The following MYO5B variants were observed in gnomAD, a reference collection of about 807,000 sequenced individuals.
MYO5B encodes myosin VB.
In MYO5B, 143 loss-of-function variants were observed where a neutral mutation model predicts 229.3. The observed-to-expected ratio is 0.62, with a 90% CI of 0.54 to 0.72. The LOEUF (loss-of-function observed/expected upper bound fraction) is 0.72. Ranked by LOEUF, MYO5B falls within the 30% of genes least tolerant of loss-of-function variation. The pLI, the probability that MYO5B is intolerant of heterozygous loss-of-function variation, is 0.00. For missense variants in MYO5B, 2,321 were observed against 2,331.0 expected (o/e 1.00, Z 0.09); for synonymous variants, 918 against 885.2 (o/e 1.04, Z -0.66).
At chr18:50,167,969 CAG>C (rs920687291) in intron 1 of MYO5B, among the ~76,000 whole-genome samples, 26 of 152,262 alleles carry the variant, frequency 1.7e-4, no homozygotes, top group African/African-American at 6.3e-4. Context: ...AAAAACAACT[CAG>C]AAATAAAATC....
At position 49,927,938 on chromosome 18, in the gene MYO5B, A is replaced by G. The variant is rs151191181; in HGVS notation, c.2090+1574T>C. 9.2e-3 allele frequency among the ~76,000 whole-genome samples: 1,399 copies of G among 152,336 alleles called. 18 individuals are homozygous for G. Among genetic ancestry groups the G allele is most frequent in the African/African-American group, 0.032 (1,330 of 41,572 alleles). On this transcript the variant is annotated intron_variant, in intron 17 of 39. Transcript: ENST00000285039. The stretch of plus-strand genomic sequence containing the variant: ...CTTCTGCACAGCAAAAGAAATAATC[A>G]CCAGAGTAAACAGACAACCCACGGA...
intron 1 of MYO5B, among the ~76,000 whole-genome samples, chr18:50,093,836 G>A (rs1250257802): frequency 6.6e-6 from 1 of 152,122 alleles, no homozygotes; most frequent in Non-Finnish European, 1.5e-5. Flanking sequence ...AAATGCCATG[G>A]CAACTTCAGG....
At chr18:50,064,633 G>C (rs937946343) in intron 1 of MYO5B, among the ~76,000 whole-genome samples, 1 of 152,148 alleles carries the variant, frequency 6.6e-6, no homozygotes. Context: ...TCACAGGATA[G>C]TTGTTTTCCT....
At chr18:50,034,836 T>C (rs1179744841) in intron 4 of MYO5B, among the ~76,000 whole-genome samples, 2 of 152,158 alleles carry the variant, frequency 1.3e-5, no homozygotes, top group East Asian at 1.9e-4. Flanking sequence ...CTAATGCATG[T>C]TCATAAGCAA....
chr18:49,921,738 C>G (rs745979594), intron 17 of MYO5B, among the ~76,000 whole-genome samples: 1 of 152,108 alleles, frequency 6.6e-6, no homozygotes, highest in African/African-American at 2.4e-5. Context: ...TCCAGGGCAT[C>G]GGTAGGCTGG....
intron 1 of MYO5B, among the ~76,000 whole-genome samples, chr18:50,177,442 C>T (rs1437544839): frequency 6.6e-6 from 1 of 152,190 alleles, no homozygotes; most frequent in Non-Finnish European, 1.5e-5. Flanking sequence ...CTTCCTCAAA[C>T]AGCATTGTAA....
At chr18:49,826,655 G>A (rs1198822447) in intron 39 of MYO5B, 32 bp from the exon 40 acceptor site, 3 of 1,611,494 alleles carry the variant, frequency 1.9e-6, no homozygotes, top group Non-Finnish European at 1.7e-6. Context: ...TGTAAAGTTT[G>A]AGTACCCCTA....
intron 12 of MYO5B, among the ~76,000 whole-genome samples, chr18:49,955,082 C>T (rs1293599130): frequency 1.3e-5 from 2 of 152,154 alleles, no homozygotes. Flanking sequence ...CTGTGCCTTA[C>T]GTTGCTTATG....
intron 1 of MYO5B, among the ~76,000 whole-genome samples, chr18:50,097,839 A>G (rs1177106586): frequency 6.6e-6 from 1 of 152,214 alleles, no homozygotes; most frequent in Admixed American, 6.5e-5. Context: ...AAATGAGGGC[A>G]GTGGATCACA....
At chr18:49,890,031 T>C (rs1175826588) in intron 22 of MYO5B, among the ~76,000 whole-genome samples, 1 of 152,186 alleles carries the variant, frequency 6.6e-6, no homozygotes, top group African/African-American at 2.4e-5. Context: ...GCCTAAACAA[T>C]TTTGGAGGTA....
chr18:50,152,514 G>T (rs544438995), intron 1 of MYO5B, among the ~76,000 whole-genome samples: 420 of 152,270 alleles, frequency 2.8e-3, no homozygotes, highest in Admixed American at 6.5e-3. Context: ...AAACCTCTGA[G>T]AATGGGTACC....
intron 29 of MYO5B, 89 bp from the exon 30 acceptor site, chr18:49,856,979 C>T (rs1344871311): frequency 2.5e-6 from 3 of 1,202,396 alleles, no homozygotes; most frequent in African/African-American, 1.5e-5. Context: ...GAGATTCTAG[C>T]CAAGGTTTGG....
intron 17 of MYO5B, among the ~76,000 whole-genome samples, chr18:49,917,151 T>G (rs1249044095): frequency 6.6e-6 from 1 of 152,230 alleles, no homozygotes; most frequent in African/African-American, 2.4e-5. Context: ...GTTGTGGATA[T>G]GTTCATGCAG....
At chr18:49,916,721 C>A (rs1361599873) in intron 17 of MYO5B, among the ~76,000 whole-genome samples, 2 of 151,920 alleles carry the variant, frequency 1.3e-5, no homozygotes, top group African/African-American at 2.4e-5. Context: ...TCAGGAGGGA[C>A]CAAGAGAGTT....
At chr18:49,829,083 AT>A (rs71169455) in intron 39 of MYO5B, among the ~76,000 whole-genome samples, 55 of 141,346 alleles carry the variant, frequency 3.9e-4, no homozygotes, top group South Asian at 1.6e-3. Flanking sequence ...AAAATTGACA[AT>A]TTTTTTTTTT....
At chr18:49,987,717 A>T (rs1453336698) in intron 7 of MYO5B, among the ~76,000 whole-genome samples, 1 of 152,186 alleles carries the variant, frequency 6.6e-6, no homozygotes, top group East Asian at 1.9e-4. Context: ...AACTATCCAT[A>T]CAACCACGGA....
rs200796610 is a variant in MYO5B, at chr18:49,974,518, G to C, written c.1154C>G (p.Ser385Trp). ...WLCHRKLVTT[S>W]ETYVKTMSLQ... is the part of the protein sequence containing the mutation. ...GGACATGGTCTTGACGTAGGTCTCC[G>C]AGGTGGTGACCAGCTTGCGATGACA... The change falls in exon 10 of 40, where the codon TCG becomes TGG. Residue 385 changes from serine to tryptophan, a missense_variant. This residue lies in a region of MYO5B where 2,113 missense variants were observed against 2,044.7 expected (regional missense o/e 1.03). Transcript: ENST00000285039. 1 of 1,614,164 alleles carries C rather than the reference G, an allele frequency of 6.2e-7. No homozygotes were observed. Among genetic ancestry groups the C allele is most frequent in the Non-Finnish European group, 8.5e-7 (1 of 1,180,026 alleles).
At chr18:50,048,478 G>A (rs2030298843) in intron 2 of MYO5B, among the ~76,000 whole-genome samples, 1 of 152,152 alleles carries the variant, frequency 6.6e-6, no homozygotes, top group South Asian at 2.1e-4. Flanking sequence ...ACACCAACAT[G>A]CTGCCTGACA....
At chr18:50,161,806 C>T (rs2032770978) in intron 1 of MYO5B, among the ~76,000 whole-genome samples, 2 of 152,222 alleles carry the variant, frequency 1.3e-5, no homozygotes, top group African/African-American at 2.4e-5. Flanking sequence ...CTCCCTGCTG[C>T]CCTGAAGCAA....
Sources: gnomAD v4.1 joint callset for allele counts (sites outside exome capture counted in the v4.1 genomes callset) on GRCh38, gnomAD v4.1.1 for gene constraint, gnomAD v4.1.1 regional missense constraint, MANE v1.5 for transcripts, NCBI Gene and HGNC (gene_info 2026-07-23, HGNC 2026-07-21) for gene names.